The following KIF24 variants were observed in gnomAD, a reference collection of about 807,000 sequenced individuals.
The protein encoded by KIF24 is kinesin-like protein KIF24.
Under a neutral mutation model 118.9 loss-of-function variants are expected in KIF24, and 81 were observed. The ratio of observed to expected loss-of-function variants is 0.68; its 90% CI spans 0.57 to 0.82. KIF24 has a LOEUF of 0.82. Ranked by LOEUF, KIF24 falls within the 40% of genes least tolerant of loss-of-function variation. KIF24 has a pLI of 0.00. For missense variants in KIF24, 1,560 were observed against 1,661.6 expected (o/e 0.94, Z 1.06); for synonymous variants, 599 against 610.0 (o/e 0.98, Z 0.27).
Position 34,318,877 on chromosome 9 carries a change from C to T in KIF24, c.-25-7506G>A. 6.2e-7 allele frequency: 1 copy of T among 1,600,986 alleles called. No homozygotes were observed. The highest frequency in any genetic ancestry group is 2.2e-5 in the East Asian group (1 of 44,860). ...GCAAGCAGCACTACAACTGCGAGCACTCCAAGATCAATTTCCATGACAAGC... is the reference window on the plus strand; with the variant it reads ...GCAAGCAGCACTACAACTGCGAGCATTCCAAGATCAATTTCCATGACAAGC... On this transcript the variant is annotated intron_variant, in intron 1 of 12. Transcript: ENST00000402558. This position sits in a 1 kb window ranked among gnomAD's most constrained non-coding sequence, Gnocchi z 4.9.
intron 10 of KIF24, 109 bp from the exon 11 acceptor site, chr9:34,258,090 G>A (rs2131667458): frequency 1.2e-6 from 1 of 837,034 alleles, no homozygotes; most frequent in Middle Eastern, 2.7e-4. Flanking sequence ...CAAGGATTGG[G>A]AGTTATTTCT....
intron 5 of KIF24, among the ~76,000 whole-genome samples, chr9:34,287,061 C>A (rs936898875): frequency 2.0e-5 from 3 of 152,126 alleles, no homozygotes; most frequent in Admixed American, 2.0e-4. Context: ...TTGTTAGATG[C>A]CTGGTGAAGT....
intron 7 of KIF24, among the ~76,000 whole-genome samples, chr9:34,270,668 C>G (rs1336979207): frequency 6.6e-6 from 1 of 150,396 alleles, no homozygotes; most frequent in Non-Finnish European, 1.5e-5. Context: ...CATCTGTCAC[C>G]CCATTGATCT....
Position 34,306,129 on chromosome 9 carries a change from C to T in KIF24, c.813+123G>A, listed in dbSNP as rs578189957. On this transcript the variant is annotated intron_variant, in intron 3 of 12. Transcript: ENST00000402558. ...CACATCAGGAATGAATGTCAACACC[C>T]GAACCAGAAACTTGATTTTCAGTGT... 237 of 681,588 alleles carry T rather than the reference C, an allele frequency of 3.5e-4. 2 individuals are homozygous for T. Among genetic ancestry groups the T allele is most frequent in the South Asian group, 2.1e-3 (109 of 52,596 alleles). 42.2% of individuals were successfully genotyped at this position (681,588 alleles called of 1,614,324 possible).
At position 34,310,908 on chromosome 9, in the gene KIF24, A is replaced by G. The variant is rs370706129; in HGVS notation, c.439T>C (p.Tyr147His). 2 of 1,613,710 alleles carry G rather than the reference A, an allele frequency of 1.2e-6. No homozygotes were observed. Among genetic ancestry groups the G allele is most frequent in the East Asian group, 4.5e-5 (2 of 44,876 alleles). Residue 147 changes from tyrosine (Y) to histidine (H), a missense_variant, in exon 2 of 13, where the codon TAC (tyrosine) becomes CAC (histidine). By Grantham distance (83) the Tyr-to-His change is moderately conservative. This residue lies in a region of KIF24 where 964 missense variants were observed against 988.0 expected (regional missense o/e 0.98). Transcript: ENST00000402558. ...LEHMLPDDSQ[Y>H]HTKTGILNAT... ...TTCAGAATTCCTGTTTTTGTATGGT[A>G]CTGGGAATCATCTGGTAGCATGTGT... is the stretch of plus-strand genomic sequence containing the variant.
intron 1 of KIF24, among the ~76,000 whole-genome samples, chr9:34,325,344 C>A (rs1311460855): frequency 7.6e-3 from 892 of 117,920 alleles, no homozygotes; most frequent in Middle Eastern, 9.3e-3. Flanking sequence ...GACTTCGTCT[C>A]AAAAAAAAAA....
At chr9:34,326,572 G>C (rs1837678457) in intron 1 of KIF24, among the ~76,000 whole-genome samples, 1 of 152,130 alleles carries the variant, frequency 6.6e-6, no homozygotes, top group Non-Finnish European at 1.5e-5. Context: ...AAATAACATG[G>C]AGTCACTTAT....
At chr9:34,330,548 T>C (rs1282447195), upstream of KIF24, among the ~76,000 whole-genome samples, 1 of 152,294 alleles carries the variant, frequency 6.6e-6, no homozygotes, top group African/African-American at 2.4e-5. Flanking sequence ...CTCTGAGCTA[T>C]AGTTCCCTTT....
At chr9:34,260,117 A>G (rs923643537) in intron 9 of KIF24, among the ~76,000 whole-genome samples, 1 of 152,114 alleles carries the variant, frequency 6.6e-6, no homozygotes, top group African/African-American at 2.4e-5. Flanking sequence ...CCAGCTACTC[A>G]AAAGGCTGAG....
At chr9:34,260,818 A>C (rs1205357270) in intron 9 of KIF24, among the ~76,000 whole-genome samples, 1 of 152,064 alleles carries the variant, frequency 6.6e-6, no homozygotes, top group African/African-American at 2.4e-5. Flanking sequence ...TAAAAATACA[A>C]AAGTTAGTGA....
intron 3 of KIF24, among the ~76,000 whole-genome samples, chr9:34,300,753 T>G (rs1836667819): frequency 6.7e-6 from 1 of 150,144 alleles, no homozygotes; most frequent in South Asian, 2.1e-4. Flanking sequence ...TTGCTCAAAT[T>G]ATCACCATAG....
intron 1 of KIF24, chr9:34,319,385 C>A: frequency 1.1e-6 from 1 of 890,652 alleles, no homozygotes; most frequent in East Asian, 2.4e-5. Context: ...TGACTGAGGC[C>A]ATTGACAAGA....
intron 2 of KIF24, among the ~76,000 whole-genome samples, 162 bp from the exon 3 acceptor site, chr9:34,306,603 C>G (rs1836930198): frequency 6.6e-6 from 1 of 152,130 alleles, no homozygotes; most frequent in South Asian, 2.1e-4. Context: ...GAGATCAAGA[C>G]CATCCTGGCT....
chr9:34,327,050 C>T (rs1210706693), intron 1 of KIF24, among the ~76,000 whole-genome samples: 2 of 152,056 alleles, frequency 1.3e-5, no homozygotes, highest in Admixed American at 1.3e-4. Flanking sequence ...AAACACTCAA[C>T]AATATATTAT....
At position 34,309,391 on chromosome 9, in the gene KIF24, A is replaced by G. The variant is rs192932148; in HGVS notation, c.623+1333T>C. Reference sequence around the variant, plus strand: ...CCCACCTCTACTAAAAATACAAAAAATTAGCCAGGCATAGTGGCGGGCGCC... The same window carrying G: ...CCCACCTCTACTAAAAATACAAAAAGTTAGCCAGGCATAGTGGCGGGCGCC... On this transcript the variant is annotated intron_variant, in intron 2 of 12. Transcript: ENST00000402558. Among the ~76,000 whole-genome samples, 330 of 152,074 alleles carry G rather than the reference A, an allele frequency of 2.2e-3. 2 individuals are homozygous for G. Among genetic ancestry groups the G allele is most frequent in the African/African-American group, 7.3e-3 (302 of 41,508 alleles).
At chr9:34,325,897 C>T (rs540094428) in intron 1 of KIF24, among the ~76,000 whole-genome samples, 1 of 152,250 alleles carries the variant, frequency 6.6e-6, no homozygotes, top group Non-Finnish European at 1.5e-5. Flanking sequence ...GTCACTGCTC[C>T]TGGACACCAA....
upstream of KIF24, among the ~76,000 whole-genome samples, chr9:34,332,504 T>A (rs1037642474): frequency 6.6e-6 from 1 of 152,202 alleles, no homozygotes; most frequent in Non-Finnish European, 1.5e-5. Flanking sequence ...GTCTGTCGCA[T>A]GGGATACGCA....
chr9:34,325,490 C>T (rs189083475), intron 1 of KIF24, among the ~76,000 whole-genome samples: 1 of 151,552 alleles, frequency 6.6e-6, no homozygotes, highest in East Asian at 2.0e-4. Flanking sequence ...GCCAAAAGTT[C>T]GAGACCAGCC....
chr9:34,289,682 G>A (rs556576421), intron 5 of KIF24, among the ~76,000 whole-genome samples: 3 of 152,326 alleles, frequency 2.0e-5, no homozygotes, highest in African/African-American at 7.2e-5. Context: ...TGTTGCAAGA[G>A]CAATAGTTTA....
Sources: gnomAD v4.1 joint callset for allele counts (sites outside exome capture counted in the v4.1 genomes callset) on GRCh38, gnomAD v4.1.1 for gene constraint, gnomAD v4.1.1 regional missense constraint, Gnocchi (gnomAD v3.1) non-coding constraint, MANE v1.5 for transcripts, NCBI Gene and HGNC (gene_info 2026-07-23, HGNC 2026-07-21) for gene names.